The following SLC24A2 variants were observed in gnomAD, a reference collection of about 807,000 sequenced individuals.
SLC24A2 encodes sodium/potassium/calcium exchanger 2.
A neutral mutation model predicts 62.0 loss-of-function variants in SLC24A2; 36 were observed. The ratio of observed to expected loss-of-function variants is 0.58; its 90% CI spans 0.44 to 0.77. The LOEUF (loss-of-function observed/expected upper bound fraction) is 0.77, where lower values mean the gene tolerates loss of function less well. Ranked by LOEUF, SLC24A2 falls within the 30% of genes least tolerant of loss-of-function variation. The pLI, the probability that SLC24A2 is intolerant of heterozygous loss-of-function variation, is 0.00. For missense variants in SLC24A2, 846 were observed against 817.9 expected (o/e 1.03, Z -0.42); for synonymous variants, 358 against 294.0 (o/e 1.22, Z -2.23).
the SLC24A2 span, among the ~76,000 whole-genome samples, chr9:20,121,169 T>C: frequency 4.7e-5 from 7 of 150,116 alleles, no homozygotes; most frequent in Admixed American, 4.7e-4. Flanking sequence ...CCTATTGGGA[T>C]TTCAATTGAA....
the SLC24A2 span, among the ~76,000 whole-genome samples, chr9:19,832,124 G>C: frequency 3.9e-5 from 6 of 152,214 alleles, no homozygotes; most frequent in South Asian, 2.1e-4. Context: ...GGCATGGTCA[G>C]AGAGGCCAGT....
the SLC24A2 span, among the ~76,000 whole-genome samples, chr9:20,050,377 C>A: frequency 6.6e-6 from 1 of 152,058 alleles, no homozygotes; most frequent in Non-Finnish European, 1.5e-5. Context: ...GATCGCACCA[C>A]TGCACTCTAG....
intron 2 of SLC24A2, among the ~76,000 whole-genome samples, chr9:19,657,648 T>C (rs1262848465): frequency 1.3e-5 from 2 of 152,166 alleles, no homozygotes; most frequent in African/African-American, 4.8e-5. Context: ...AATCCTGCTT[T>C]TTCAAGGCTC....
the SLC24A2 span, among the ~76,000 whole-genome samples, chr9:19,943,837 A>T: frequency 6.6e-6 from 1 of 152,214 alleles, no homozygotes; most frequent in Non-Finnish European, 1.5e-5. Flanking sequence ...TTCATTCATC[A>T]AAAATGTGGT....
At chr9:19,561,435 A>AC (rs1201165763) in intron 7 of SLC24A2, among the ~76,000 whole-genome samples, 6 of 78,948 alleles carry the variant, frequency 7.6e-5, no homozygotes, top group African/African-American at 2.6e-4. Context: ...TGGAAAACAG[A>AC]CTTTTTTTTT....
chr9:20,275,824 A>G, the SLC24A2 span, among the ~76,000 whole-genome samples: 561 of 152,280 alleles, frequency 3.7e-3, 10 homozygotes, highest in East Asian at 0.048. Context: ...GGAGGAGCAA[A>G]GGCACATCTT....
chr9:19,639,696 G>A (rs1818444988), intron 2 of SLC24A2, among the ~76,000 whole-genome samples: 1 of 152,200 alleles, frequency 6.6e-6, no homozygotes, highest in Admixed American at 6.5e-5. Flanking sequence ...ACAGCATTTT[G>A]CCTTAGCAAT....
chr9:19,707,980 T>C (rs1357343310), intron 2 of SLC24A2, among the ~76,000 whole-genome samples: 1 of 152,194 alleles, frequency 6.6e-6, no homozygotes, highest in Non-Finnish European at 1.5e-5. Flanking sequence ...TGTTTGCAGA[T>C]GACATGACTG....
the SLC24A2 span, among the ~76,000 whole-genome samples, chr9:19,805,633 C>G: frequency 6.6e-6 from 1 of 152,224 alleles, no homozygotes; most frequent in South Asian, 2.1e-4. Context: ...TGAATTCAAT[C>G]CCTTGCTGTG....
intron 7 of SLC24A2, among the ~76,000 whole-genome samples, chr9:19,557,538 G>A (rs2132780644): frequency 6.6e-6 from 1 of 152,314 alleles, no homozygotes; most frequent in East Asian, 1.9e-4. Flanking sequence ...TAATTACCCT[G>A]TAGTGGTGTT....
chr9:19,548,818 G>A (rs1009830490), intron 8 of SLC24A2, among the ~76,000 whole-genome samples: 2 of 152,208 alleles, frequency 1.3e-5, no homozygotes, highest in Admixed American at 1.3e-4. Context: ...CCAAGGGCCA[G>A]CCCTGGGATG....
the SLC24A2 span, among the ~76,000 whole-genome samples, chr9:20,058,583 T>C: frequency 5.3e-5 from 8 of 151,852 alleles, no homozygotes; most frequent in Non-Finnish European, 1.0e-4. Flanking sequence ...GACTCCCCCA[T>C]GTAAAACCTC....
the SLC24A2 span, among the ~76,000 whole-genome samples, chr9:20,242,185 C>T: frequency 6.6e-6 from 1 of 152,190 alleles, no homozygotes; most frequent in African/African-American, 2.4e-5. Flanking sequence ...GACTAAAACA[C>T]TCCTTTGCCT....
At chr9:19,982,457 T>C in the SLC24A2 span, among the ~76,000 whole-genome samples, 37,766 of 152,082 alleles carry the variant, frequency 0.25, 5,803 homozygotes, top group South Asian at 0.4. Context: ...AAAAGATTTA[T>C]AGCAGCAATG....
chr9:19,903,355 C>A, the SLC24A2 span, among the ~76,000 whole-genome samples: 4 of 152,138 alleles, frequency 2.6e-5, no homozygotes, highest in Non-Finnish European at 2.9e-5. Flanking sequence ...GCTCTGGTCC[C>A]TTTTCCTCTT....
the SLC24A2 span, among the ~76,000 whole-genome samples, chr9:20,181,733 T>C: frequency 3.9e-5 from 6 of 152,110 alleles, no homozygotes; most frequent in Admixed American, 3.3e-4. Flanking sequence ...GGGCAAAGAC[T>C]TCATGACTAA....
the SLC24A2 span, among the ~76,000 whole-genome samples, chr9:20,101,013 T>C: frequency 3.3e-5 from 5 of 152,232 alleles, no homozygotes; most frequent in Non-Finnish European, 7.3e-5. Context: ...AACTATGGTC[T>C]CATTTCCAGA....
At chr9:19,978,787 T>C in the SLC24A2 span, among the ~76,000 whole-genome samples, 5 of 152,020 alleles carry the variant, frequency 3.3e-5, no homozygotes, top group African/African-American at 4.8e-5. Context: ...TCTTGCTAAA[T>C]GAGCAGCTGG....
intron 2 of SLC24A2, among the ~76,000 whole-genome samples, chr9:19,724,667 C>T (rs1221438939): frequency 6.6e-6 from 1 of 152,122 alleles, no homozygotes; most frequent in Non-Finnish European, 1.5e-5. Context: ...AATCTAATTA[C>T]CTCCAGTTGC....
Sources: gnomAD v4.1 joint callset for allele counts (sites outside exome capture counted in the v4.1 genomes callset) on GRCh38, gnomAD v4.1.1 for gene constraint, MANE v1.5 for transcripts, NCBI Gene and HGNC (gene_info 2026-07-23, HGNC 2026-07-21) for gene names.